The following GAN variants were observed in gnomAD, a reference collection of about 807,000 sequenced individuals.
GAN encodes the protein gigaxonin.
In GAN, 48 loss-of-function variants were observed where a neutral mutation model predicts 71.3. The observed-to-expected ratio is 0.67, with a 90% CI of 0.53 to 0.86. The LOEUF (loss-of-function observed/expected upper bound fraction) is 0.86, where lower values mean the gene tolerates loss of function less well. Among genes scored for constraint, GAN ranks in the 40% least tolerant of loss-of-function variants. The pLI, the probability that GAN is intolerant of heterozygous loss-of-function variation, is 0.00. For missense variants in GAN, 928 were observed against 770.1 expected (o/e 1.21, Z -2.43); for synonymous variants, 386 against 276.8 (o/e 1.39, Z -3.92).
chr16:81,342,967 A>G (rs1909994643), intron 1 of GAN, among the ~76,000 whole-genome samples: 1 of 152,222 alleles, frequency 6.6e-6, no homozygotes, highest in Non-Finnish European at 1.5e-5. Context: ...TCCCAAAGAA[A>G]TACAAACTAC....
rs1904289500 is a variant in GAN, at chr16:81,378,391, T to A, written c.*795T>A. On this transcript the variant is annotated 3_prime_UTR_variant, in exon 11 of 11. Coordinates refer to ENST00000648994, the MANE Select transcript of GAN (RefSeq NM_022041.4). ...GGTCTCCTGCAGTGCCATTCTGCCT[T>A]CTCAATGAGCAAAACCATTTTCTAA... 6.6e-6 allele frequency: 1 copy of A among 152,198 alleles called. No individual in the cohort carries two copies. The highest frequency in any genetic ancestry group is 1.5e-5 in the Non-Finnish European group (1 of 68,084). 9.4% of individuals were successfully genotyped at this position (152,198 alleles called of 1,614,324 possible).
At chr16:81,323,889 A>G (rs1909296271) in intron 1 of GAN, among the ~76,000 whole-genome samples, 1 of 152,114 alleles carries the variant, frequency 6.6e-6, no homozygotes. Context: ...AAACTAACCC[A>G]GTATGTGGAG....
rs1904274451 is a variant in GAN, at chr16:81,373,636, T to G, written c.1503-3583T>G. ...AGTAAACTACAGACTTACTGGAGTT[T>G]CACCAGCTTTTACTCTAATGTCTTT... On this transcript the variant is annotated intron_variant, in intron 9 of 10. Transcript: ENST00000648994. Among the ~76,000 whole-genome samples, 4 of 152,212 alleles carry G rather than the reference T, an allele frequency of 2.6e-5. No homozygotes were observed. In the South Asian group the frequency reaches 8.3e-4, roughly 32 times the overall value.
chr16:81,386,106 A>T lies in GAN; in HGVS notation c.*8510A>T, dbSNP rs929588739. The T allele has an allele frequency of 6.6e-6, 1 of 152,168 alleles. No homozygotes were observed. The highest frequency in any genetic ancestry group is 1.5e-5 in the Non-Finnish European group (1 of 68,026). The allele number at this position is 152,168 out of a possible 1,614,324, so 9.4% of individuals were successfully genotyped here. On this transcript the variant is annotated 3_prime_UTR_variant, in exon 11 of 11. Transcript: ENST00000648994. ...CTCCATCTACATCTCTAGTATTTAA[A>T]TTCAACACAATTCTAGATAGCTGAA...
At chr16:81,355,135 C>A (rs757796790) in intron 3 of GAN, among the ~76,000 whole-genome samples, 1 of 152,182 alleles carries the variant, frequency 6.6e-6, no homozygotes, top group Non-Finnish European at 1.5e-5. Context: ...GTGCCTGCAG[C>A]AGGCAGGGGG....
Position 81,377,695 on chromosome 16 carries a change from G to A in GAN, c.*99G>A. 1 of 1,083,480 alleles carries A rather than the reference G, an allele frequency of 9.2e-7. No homozygotes were observed. The highest frequency in any genetic ancestry group is 1.4e-6 in the Non-Finnish European group (1 of 698,522). 67.1% of individuals were successfully genotyped at this position (1,083,480 alleles called of 1,614,324 possible). A position where few individuals can be genotyped will look rare whatever the true frequency, so the allele number is the denominator to read the frequency against. On this transcript the variant is annotated 3_prime_UTR_variant, in exon 11 of 11. Transcript: ENST00000648994. ...TGGCAGCTGAAACTCACTCTGTGCTGGGCTTTGGTATGGTAACTCTTTGGT... is the reference window on the plus strand; with the variant it reads ...TGGCAGCTGAAACTCACTCTGTGCTAGGCTTTGGTATGGTAACTCTTTGGT...
chr16:81,323,241 T>A (rs1909276338), intron 1 of GAN, among the ~76,000 whole-genome samples: 2 of 152,178 alleles, frequency 1.3e-5, no homozygotes. Flanking sequence ...TTCTCCTGCT[T>A]GGCCTCCTTA....
chr16:81,348,851 C>A (rs1389524891), intron 1 of GAN, among the ~76,000 whole-genome samples: 1 of 152,158 alleles, frequency 6.6e-6, no homozygotes, highest in Non-Finnish European at 1.5e-5. Context: ...CCAGAAGAGT[C>A]TTTGTTTCTT....
In GAN at chr16:81,351,628, T is replaced by C. The variant is rs750735081; in HGVS notation, c.213T>C (p.Tyr71=). ...CTCCAAAAGATGATGGATCAACTTA[T>C]AAGATTGAACTTGAAGGGATATCGG... ...YNPPKDDGST[Y]KIELEGISVM... is the part of the protein sequence containing the mutation. The change falls in exon 2 of 11, where the codon TAT becomes TAC. Residue 71 remains tyrosine, a synonymous_variant. Coordinates refer to ENST00000648994, the MANE Select transcript of GAN (RefSeq NM_022041.4). The C allele has an allele frequency of 5.1e-6, 8 of 1,568,104 alleles. No homozygotes were observed. The highest frequency in any genetic ancestry group is 4.4e-6 in the Non-Finnish European group (5 of 1,137,906).
intron 1 of GAN, among the ~76,000 whole-genome samples, chr16:81,336,069 A>G (rs1168353554): frequency 1.3e-5 from 2 of 151,964 alleles, no homozygotes; most frequent in African/African-American, 4.8e-5. Context: ...TACCCTCAGC[A>G]CTCCTCTAAC....
intron 1 of GAN, among the ~76,000 whole-genome samples, chr16:81,329,932 C>G (rs1351960194): frequency 6.6e-6 from 1 of 152,224 alleles, no homozygotes; most frequent in Non-Finnish European, 1.5e-5. Context: ...CTCCCTCCCC[C>G]AGCCAGTGGG....
At position 81,365,043 on chromosome 16, in the gene GAN, G is replaced by A; in HGVS notation, c.1306G>A (p.Glu436Lys). 1 of 1,613,610 alleles carries A rather than the reference G, an allele frequency of 6.2e-7. No individual in the cohort carries two copies. Among genetic ancestry groups the A allele is most frequent in the Non-Finnish European group, 8.5e-7 (1 of 1,179,532 alleles). The part of the protein sequence containing the change: ...MGGGSYGKLF[E>K]SVECYDPRTQ... ...TGGAGGCTCCTACGGAAAGCTTTTT[G>A]AGTCTGTAGAGTGTTATGATCCCAG... The change falls in exon 8 of 11, where the codon GAG becomes AAG. Residue 436 changes from glutamate (E) to lysine (K), a missense_variant. Glu to Lys is a moderately conservative substitution (Grantham distance 56). Coordinates refer to ENST00000648994, the MANE Select transcript of GAN (RefSeq NM_022041.4).
intron 9 of GAN, chr16:81,371,975 C>T (rs1597410814): frequency 6.6e-6 from 1 of 152,258 alleles, no homozygotes; most frequent in Non-Finnish European, 1.5e-5. Context: ...GTTACTTCTG[C>T]CATACTGGAA....
In GAN at chr16:81,377,714, C is replaced by G; in HGVS notation, c.*118C>G. On this transcript the variant is annotated 3_prime_UTR_variant, in exon 11 of 11. Transcript: ENST00000648994. Reference sequence around the variant, plus strand: ...TGTGCTGGGCTTTGGTATGGTAACTCTTTGGTGGTTTTATGATGCTTACAA... The same window carrying G: ...TGTGCTGGGCTTTGGTATGGTAACTGTTTGGTGGTTTTATGATGCTTACAA... The G allele has an allele frequency of 1.1e-6, 1 of 950,184 alleles. No homozygotes were observed. Among genetic ancestry groups the G allele is most frequent in the Non-Finnish European group, 1.7e-6 (1 of 582,168 alleles). 58.9% of individuals were successfully genotyped at this position (950,184 alleles called of 1,614,324 possible).
intron 1 of GAN, among the ~76,000 whole-genome samples, chr16:81,320,419 A>G (rs1462015978): frequency 6.6e-6 from 1 of 152,166 alleles, no homozygotes; most frequent in East Asian, 1.9e-4. Flanking sequence ...CTTCCCTGTT[A>G]ATGCTGAGAA....
At chr16:81,361,564 G>T (rs962685167) in intron 5 of GAN, among the ~76,000 whole-genome samples, 7 of 152,194 alleles carry the variant, frequency 4.6e-5, no homozygotes, top group Non-Finnish European at 1.0e-4. Context: ...AGGACAAAAG[G>T]TTTAAATTTT....
In GAN at chr16:81,384,778, C is replaced by T. The variant is rs1904351981; in HGVS notation, c.*7182C>T. 6.6e-6 allele frequency: 1 copy of T among 152,262 alleles called. No homozygotes were observed. The highest frequency in any genetic ancestry group is 2.4e-5 in the African/African-American group (1 of 41,540). 9.4% of individuals were successfully genotyped at this position (152,262 alleles called of 1,614,324 possible). A position where few individuals can be genotyped will look rare whatever the true frequency, so the allele number is the denominator to read the frequency against. On this transcript the variant is annotated 3_prime_UTR_variant, in exon 11 of 11. Transcript: ENST00000648994. Reference sequence around the variant, plus strand: ...TATCTGTGGAACATCCCTCACCTTCCTCCGGTATGCGCCTTCTGCACTCCA... The same window carrying T: ...TATCTGTGGAACATCCCTCACCTTCTTCCGGTATGCGCCTTCTGCACTCCA...
intron 9 of GAN, among the ~76,000 whole-genome samples, chr16:81,369,011 A>T (rs1372575449): frequency 6.6e-6 from 1 of 152,092 alleles, no homozygotes; most frequent in Non-Finnish European, 1.5e-5. Context: ...TCTTTCTTTC[A>T]CATATCGTAT....
intron 5 of GAN, among the ~76,000 whole-genome samples, chr16:81,360,946 G>A (rs915011590): frequency 1.3e-5 from 2 of 152,120 alleles, no homozygotes; most frequent in Non-Finnish European, 2.9e-5. Context: ...TGTAGCAGCC[G>A]GGCGCAGTGG....
Sources: allele counts gnomAD v4.1 joint callset (sites outside exome capture counted in the v4.1 genomes callset), GRCh38; gene constraint gnomAD v4.1.1; transcripts MANE v1.5; gene names NCBI Gene and HGNC (gene_info 2026-07-23, HGNC 2026-07-21).